MBD5: variants seen among roughly 807,000 people sequenced by gnomAD.
The protein encoded by MBD5 is methyl-CpG-binding domain protein 5.
MBD5 carries 13 observed loss-of-function variants against 117.3 expected under a neutral mutation model. The observed-to-expected ratio is 0.11, with a 90% CI of 0.07 to 0.18. MBD5 has a LOEUF of 0.18. MBD5 is among the 10% of genes least tolerant of loss of function. The pLI is 1.00. For synonymous variants in MBD5, 727 were observed against 766.4 expected, an observed-to-expected ratio of 0.95 and a Z score of 0.85; for missense variants, 1,879 against 2,093.8, an observed-to-expected ratio of 0.90 and a Z score of 2.00.
At chr2:148,203,653 G>A (rs544907328) in intron 2 of MBD5, among the ~76,000 whole-genome samples, 19 of 152,262 alleles carry the variant, frequency 1.2e-4, no homozygotes, top group Middle Eastern at 3.4e-3. Flanking sequence ...GGTAATCTCC[G>A]CTGCAACAGA....
intron 2 of MBD5, among the ~76,000 whole-genome samples, chr2:148,216,794 T>C (rs1027397990): frequency 2.0e-5 from 3 of 152,122 alleles, no homozygotes; most frequent in Admixed American, 1.3e-4. Context: ...TTTCTCACAA[T>C]CTTTACTTCT....
chr2:148,471,057 C>T (rs1680779625), intron 8 of MBD5: 1 of 151,544 alleles, frequency 6.6e-6, no homozygotes, highest in South Asian at 2.1e-4. Flanking sequence ...TGGCTACTCC[C>T]TTTTAAAAAA....
At chr2:148,369,362 G>A (rs1703791225) in intron 4 of MBD5, among the ~76,000 whole-genome samples, 6 of 151,996 alleles carry the variant, frequency 3.9e-5, no homozygotes, top group African/African-American at 1.4e-4. Flanking sequence ...AAATTGAATA[G>A]CGTATGTAGA....
Position 148,513,062 on chromosome 2 carries a change from C to A in MBD5, c.*121C>A. 2 of 1,013,268 alleles carry A rather than the reference C, an allele frequency of 2.0e-6. No homozygotes were observed. Among genetic ancestry groups the A allele is most frequent in the East Asian group, 2.5e-5 (1 of 39,862 alleles). The allele number at this position is 1,013,268 out of a possible 1,614,324, so 62.8% of individuals were successfully genotyped here. A position where few individuals can be genotyped will look rare whatever the true frequency, so the allele number is the denominator to read the frequency against. ...TTAGACTATGGCAGATAGCTACCACCACCACAGGGTGCTAAAAGAAACAGT... is the reference window on the plus strand; with the variant it reads ...TTAGACTATGGCAGATAGCTACCACAACCACAGGGTGCTAAAAGAAACAGT... On this transcript the variant is annotated 3_prime_UTR_variant, in exon 14 of 14. Transcript: ENST00000642680.
At chr2:148,317,983 G>T (rs1013009205) in intron 3 of MBD5, among the ~76,000 whole-genome samples, 1 of 152,128 alleles carries the variant, frequency 6.6e-6, no homozygotes, top group Admixed American at 6.5e-5. Flanking sequence ...TGGTGGAATT[G>T]CTAGGTTGAA....
intron 1 of MBD5, among the ~76,000 whole-genome samples, chr2:148,161,717 TG>T (rs763419927): frequency 7.3e-4 from 111 of 152,190 alleles, no homozygotes; most frequent in Non-Finnish European, 1.3e-3. Flanking sequence ...GATTATTTCT[TG>T]AAAGAGTCAG....
intron 3 of MBD5, among the ~76,000 whole-genome samples, chr2:148,309,498 C>A (rs965766245): frequency 1.3e-5 from 2 of 152,128 alleles, no homozygotes; most frequent in African/African-American, 4.8e-5. Context: ...GACTTTGTAT[C>A]CTGACACTTT....
At chr2:148,069,404 T>G (rs1296616589) in intron 1 of MBD5, among the ~76,000 whole-genome samples, 1 of 152,164 alleles carries the variant, frequency 6.6e-6, no homozygotes, top group African/African-American at 2.4e-5. Flanking sequence ...ATTTATTTGA[T>G]CAATCCACTA....
At chr2:148,261,547 C>A (rs1465278336) in intron 3 of MBD5, among the ~76,000 whole-genome samples, 1 of 152,162 alleles carries the variant, frequency 6.6e-6, no homozygotes, top group Non-Finnish European at 1.5e-5. Flanking sequence ...GAGTTAGGGC[C>A]TTGCTCTGAA....
At chr2:148,032,582 T>G (rs1481809867) in intron 1 of MBD5, among the ~76,000 whole-genome samples, 2 of 152,128 alleles carry the variant, frequency 1.3e-5, no homozygotes, top group African/African-American at 4.8e-5. Context: ...AGAGTTTGCA[T>G]GGTAAGTGAT....
At chr2:148,158,478 C>T (rs1238072888) in intron 1 of MBD5, among the ~76,000 whole-genome samples, 1 of 152,172 alleles carries the variant, frequency 6.6e-6, no homozygotes, top group Admixed American at 6.5e-5. Context: ...ATGGTCTACT[C>T]ATTATACCCA....
chr2:148,244,491 T>G (rs1700291396), intron 3 of MBD5: 3 of 152,238 alleles, frequency 2.0e-5, no homozygotes, highest in Admixed American at 6.5e-5. Flanking sequence ...TTTTTTTAAT[T>G]AAGGAAATAT....
intron 2 of MBD5, among the ~76,000 whole-genome samples, chr2:148,195,330 T>C (rs1426951096): frequency 6.6e-6 from 1 of 152,166 alleles, no homozygotes; most frequent in East Asian, 1.9e-4. Context: ...GGAAATTTTA[T>C]AATAAGATAG....
intron 3 of MBD5, among the ~76,000 whole-genome samples, chr2:148,275,788 T>A (rs1371992516): frequency 2.6e-5 from 4 of 152,106 alleles, no homozygotes; most frequent in Non-Finnish European, 5.9e-5. Flanking sequence ...TTTGGCTCAT[T>A]TTTCTTTATT....
chr2:148,356,511 C>G (rs549060799), intron 4 of MBD5, among the ~76,000 whole-genome samples: 1 of 152,212 alleles, frequency 6.6e-6, no homozygotes, highest in Non-Finnish European at 1.5e-5. Flanking sequence ...TCATTACTTT[C>G]CCCATCATTA....
At chr2:148,220,307 C>G (rs546408646) in intron 2 of MBD5, among the ~76,000 whole-genome samples, 2 of 152,234 alleles carry the variant, frequency 1.3e-5, no homozygotes, top group Admixed American at 1.3e-4. Context: ...TAACACAAAG[C>G]TAATCCTTAC....
chr2:148,485,800 G>A lies in MBD5; in HGVS notation c.3603G>A (p.Ser1201=), dbSNP rs138058889. 17 of 1,613,822 alleles carry A rather than the reference G, an allele frequency of 1.1e-5. 1 individual carries two copies. The highest frequency in any genetic ancestry group is 4.4e-5 in the South Asian group (4 of 91,078). Residue 1201 remains serine (S), a synonymous_variant, in exon 10 of 14, where the codon TCG becomes TCA. Transcript: ENST00000642680. ...LSNHQLTHLQ[S]LLNNNQMFPP... Reference sequence around the variant, plus strand: ...ACCATCAACTGACTCATCTACAGTCGCTGTTAAACAACAATCAGATGTTTC... The same window carrying A: ...ACCATCAACTGACTCATCTACAGTCACTGTTAAACAACAATCAGATGTTTC...
chr2:148,030,569 AG>A (rs2105584384), intron 1 of MBD5, among the ~76,000 whole-genome samples: 1 of 152,308 alleles, frequency 6.6e-6, no homozygotes, highest in African/African-American at 2.4e-5. Context: ...TTAGAACCTC[AG>A]TACATTAAGA....
At chr2:148,124,139 G>T (rs1285683407) in intron 1 of MBD5, among the ~76,000 whole-genome samples, 1 of 152,098 alleles carries the variant, frequency 6.6e-6, no homozygotes, top group East Asian at 1.9e-4. Context: ...AATTAGCCAG[G>T]TGTGGCAGCA....
Sources: gnomAD v4.1 joint callset for allele counts (sites outside exome capture counted in the v4.1 genomes callset) on GRCh38, gnomAD v4.1.1 for gene constraint, MANE v1.5 for transcripts, NCBI Gene and HGNC (gene_info 2026-07-23, HGNC 2026-07-21) for gene names.